The following VWA3B variants were observed in gnomAD, a reference collection of about 807,000 sequenced individuals.
The protein encoded by VWA3B is von Willebrand factor A domain-containing protein 3B.
A neutral mutation model predicts 158.3 loss-of-function variants in VWA3B; 138 were observed. The ratio of observed to expected loss-of-function variants is 0.87; its 90% CI spans 0.76 to 1.00. VWA3B has a LOEUF of 1.00. Among genes scored for constraint, VWA3B ranks in the 50% least tolerant of loss-of-function variants. VWA3B has a pLI of 0.00. For missense variants in VWA3B, 1,555 were observed against 1,565.1 expected, an observed-to-expected ratio of 0.99 and a Z score of 0.11; for synonymous variants, 596 against 587.3, an observed-to-expected ratio of 1.01 and a Z score of -0.21.
intron 2 of VWA3B, among the ~76,000 whole-genome samples, chr2:98,097,208 A>C (rs1438299234): frequency 6.6e-6 from 1 of 152,210 alleles, no homozygotes; most frequent in Non-Finnish European, 1.5e-5. Flanking sequence ...TAACCCAAGC[A>C]GTGCACATTG....
intron 8 of VWA3B, among the ~76,000 whole-genome samples, chr2:98,166,195 G>C (rs1024290668): frequency 3.9e-5 from 6 of 152,172 alleles, no homozygotes. Flanking sequence ...AAATTAGCCA[G>C]GTGTGGTGGC....
At chr2:98,276,097 A>G (rs1688505549) in intron 22 of VWA3B, among the ~76,000 whole-genome samples, 1 of 152,150 alleles carries the variant, frequency 6.6e-6, no homozygotes, top group African/African-American at 2.4e-5. Context: ...GGGAACGCCG[A>G]TGTTCCAGCA....
In VWA3B at chr2:98,283,077, A is replaced by G. The variant is rs143482423; in HGVS notation, c.3046-7434A>G. ...ACCCATTCTGAAAATGTAGAAAGCAATCTCCTCGGTTAGCTTCTGGCTAAG... is the reference window on the plus strand; with the variant it reads ...ACCCATTCTGAAAATGTAGAAAGCAGTCTCCTCGGTTAGCTTCTGGCTAAG... On this transcript the variant is annotated intron_variant, in intron 22 of 27. Transcript: ENST00000477737. Among the ~76,000 whole-genome samples the G allele has an allele frequency of 4.3e-4, 65 of 152,362 alleles. 1 individual carries two copies. The highest frequency in any genetic ancestry group is 1.4e-3 in the African/African-American group (57 of 41,584).
intron 21 of VWA3B, among the ~76,000 whole-genome samples, chr2:98,260,703 C>T (rs1048433907): frequency 6.6e-6 from 1 of 151,710 alleles, no homozygotes; most frequent in African/African-American, 2.4e-5. Context: ...ATATGCTTCA[C>T]ACATTTTAGG....
At chr2:98,181,721 G>C (rs946832614) in intron 9 of VWA3B, among the ~76,000 whole-genome samples, 1 of 152,190 alleles carries the variant, frequency 6.6e-6, no homozygotes, top group African/African-American at 2.4e-5. Flanking sequence ...GTTCTATTGT[G>C]GGTTTTGTAG....
In VWA3B at chr2:98,181,112, T is replaced by C; in HGVS notation, c.1211T>C (p.Leu404Pro). 1.9e-6 allele frequency: 3 copies of C among 1,614,248 alleles called. No homozygotes were observed. Among genetic ancestry groups the C allele is most frequent in the Non-Finnish European group, 2.5e-6 (3 of 1,180,038 alleles). ...AAATATGGCTTGAAGGCCCAGAAGCTATCCTTGTATGATGTGCTTGCCGAC... is the reference window on the plus strand; with the variant it reads ...AAATATGGCTTGAAGGCCCAGAAGCCATCCTTGTATGATGTGCTTGCCGAC... Reference protein sequence around the residue: ...LQKYGLKAQKLSLYDVLADCS... With the variant: ...LQKYGLKAQKPSLYDVLADCS... Residue 404 changes from leucine (L) to proline (P), a missense_variant, in exon 9 of 28, where the codon CTA becomes CCA. Coordinates refer to ENST00000477737, the MANE Select transcript of VWA3B (RefSeq NM_144992.5).
chr2:98,133,554 A>G (rs1676031006), intron 6 of VWA3B: 1 of 426,480 alleles, frequency 2.3e-6, no homozygotes, highest in African/African-American at 2.0e-5. Flanking sequence ...TCCCAGGACC[A>G]AGAAATACCA....
rs150591023 is a variant in VWA3B at position 98,242,802 on chromosome 2, A to G, written c.2673+6072A>G. On this transcript the variant is annotated intron_variant, in intron 19 of 27. Coordinates refer to ENST00000477737, the MANE Select transcript of VWA3B (RefSeq NM_144992.5). ...ACTTAGAGTGACCTGTGAGGTGGCT[A>G]TTCAGCTCACCATTTAGCTGACAAG... Among the ~76,000 whole-genome samples the G allele has an allele frequency of 8.0e-3, 1,202 of 151,036 alleles. 20 individuals carry two copies. The highest frequency in any genetic ancestry group is 0.028 in the African/African-American group (1,126 of 40,916).
At chr2:98,179,180 C>T (rs1282871023) in intron 8 of VWA3B, 3 of 470,560 alleles carry the variant, frequency 6.4e-6, no homozygotes, top group Non-Finnish European at 1.3e-5. Flanking sequence ...ACCAGTGCCT[C>T]CTCAGCTTCA....
intron 7 of VWA3B, among the ~76,000 whole-genome samples, chr2:98,158,981 G>A (rs1248490480): frequency 2.6e-5 from 4 of 152,144 alleles, no homozygotes; most frequent in Admixed American, 6.5e-5. Flanking sequence ...CCAAATGACC[G>A]TATTAATGAA....
chr2:98,297,989 C>T lies in VWA3B; in HGVS notation c.3240C>T (p.Phe1080=). 1.9e-6 allele frequency: 3 copies of T among 1,588,514 alleles called. No individual in the cohort carries two copies. Among genetic ancestry groups the T allele is most frequent in the Non-Finnish European group, 2.6e-6 (3 of 1,167,486 alleles). ...ACACCAAGGTCGTGTCCACCTCCTTCATCACGCCTGTGGGGGGCGCCATGC... is the reference window on the plus strand; with the variant it reads ...ACACCAAGGTCGTGTCCACCTCCTTTATCACGCCTGTGGGGGGCGCCATGC... ...YGDTKVVSTS[F]ITPVGGAMPC... is the part of the protein sequence containing the mutation. Residue 1080 remains phenylalanine (F), a synonymous_variant, in exon 24 of 28, where the codon TTC becomes TTT. Coordinates refer to ENST00000477737, the MANE Select transcript of VWA3B (RefSeq NM_144992.5).
Position 98,206,723 on chromosome 2 carries a change from C to T in VWA3B, c.1738-5207C>T, listed in dbSNP as rs530293554. On this transcript the variant is annotated intron_variant, in intron 12 of 27. Transcript: ENST00000477737. ...GGCTAGTATCAAAGTTGTGGATTTC[C>T]TCACTCCCTAGCCAAGAGTGGCAAA... The T allele has an allele frequency of 9.8e-5, 32 of 326,346 alleles. 1 individual carries two copies. The highest frequency in any genetic ancestry group is 9.0e-4 in the South Asian group (31 of 34,578). 20.2% of individuals were successfully genotyped at this position (326,346 alleles called of 1,614,324 possible). A position where few individuals can be genotyped will look rare whatever the true frequency, so the allele number is the denominator to read the frequency against.
chr2:98,196,214 C>T (rs1450891333), intron 12 of VWA3B, among the ~76,000 whole-genome samples: 1 of 151,982 alleles, frequency 6.6e-6, no homozygotes, highest in East Asian at 1.9e-4. Flanking sequence ...AACATGGTAA[C>T]TATAGTTAAT....
At position 98,119,522 on chromosome 2, in the gene VWA3B, A is replaced by G; in HGVS notation, c.301A>G (p.Lys101Glu). 6.2e-7 allele frequency: 1 copy of G among 1,613,734 alleles called. No homozygotes were observed. The highest frequency in any genetic ancestry group is 2.2e-5 in the East Asian group (1 of 44,874). ...EDGRVYNLTA[K>E]SELIYQFVEH... is the part of the protein sequence containing the mutation. ...TTTTATTTTCATTAAGCTGACAGCT[A>G]AATCAGAACTGATTTATCAGTTTGT... The change falls in exon 4 of 28, where the codon AAA becomes GAA. Residue 101 changes from lysine to glutamate, a missense_variant. Transcript: ENST00000477737.
chr2:98,217,089 C>A, intron 13 of VWA3B: 2 of 779,102 alleles, frequency 2.6e-6, no homozygotes, highest in Non-Finnish European at 3.6e-6. Context: ...GGGTTCCCCT[C>A]AATGGCAGAG....
At chr2:98,195,590 T>C (rs1460271818) in intron 12 of VWA3B, among the ~76,000 whole-genome samples, 2 of 152,222 alleles carry the variant, frequency 1.3e-5, no homozygotes, top group Non-Finnish European at 2.9e-5. Context: ...TGTCCTTTTT[T>C]TTTTCTGTCC....
intron 12 of VWA3B, among the ~76,000 whole-genome samples, chr2:98,200,496 C>T (rs973222804): frequency 6.8e-6 from 1 of 146,578 alleles, no homozygotes; most frequent in African/African-American, 2.5e-5. Context: ...TGAGCTGAGA[C>T]GACGCCACTG....
chr2:98,107,426 TTGAGA>T (rs1673756510), intron 2 of VWA3B, among the ~76,000 whole-genome samples: 1 of 152,122 alleles, frequency 6.6e-6, no homozygotes, highest in Non-Finnish European at 1.5e-5. Flanking sequence ...TTGTTTCTTG[TTGAGA>T]TAACAAGAAA....
rs951772091 is a variant in VWA3B at position 98,121,601 on chromosome 2, G to T, written c.702+143G>T. On this transcript the variant is annotated intron_variant, in intron 5 of 27. Coordinates refer to ENST00000477737, the MANE Select transcript of VWA3B (RefSeq NM_144992.5). ...GACAGAGATCCCATTGGGCACTGAT[G>T]GTGATGGCATAGCTGGAACAACCCA... The T allele has an allele frequency of 6.1e-6, 7 of 1,144,362 alleles. No homozygotes were observed. The East Asian group carries it at 1.5e-4, about 25-fold the overall frequency. The allele number at this position is 1,144,362 out of a possible 1,614,324, so 70.9% of individuals were successfully genotyped here. A position where few individuals can be genotyped will look rare whatever the true frequency, so the allele number is the denominator to read the frequency against.
Sources: allele counts gnomAD v4.1 joint callset (sites outside exome capture counted in the v4.1 genomes callset), GRCh38; gene constraint gnomAD v4.1.1; transcripts MANE v1.5; gene names NCBI Gene and HGNC (gene_info 2026-07-23, HGNC 2026-07-21).